The following RBFOX1 variants were observed in gnomAD, a reference collection of about 807,000 sequenced individuals.
The protein encoded by RBFOX1 is RNA binding fox-1 homolog 1, also known as RNA binding protein fox-1 homolog 1.
Under a neutral mutation model 57.7 loss-of-function variants are expected in RBFOX1, and 8 were observed. That is an observed-to-expected ratio of 0.14 (90% CI 0.08 to 0.25). The LOEUF is 0.25. RBFOX1 is among the 10% of genes least tolerant of loss of function. The probability of loss-of-function intolerance (pLI) is 1.00; values close to 1 mark genes in which losing one functional copy is unlikely to be tolerated. For synonymous variants in RBFOX1, 326 were observed against 222.4 expected, an observed-to-expected ratio of 1.47 and a Z score of -4.15; for missense variants, 611 against 548.5, an observed-to-expected ratio of 1.11 and a Z score of -1.14.
intron 2 of RBFOX1, among the ~76,000 whole-genome samples, chr16:5,575,761 C>G (rs757721148): frequency 6.6e-6 from 1 of 152,070 alleles, no homozygotes; most frequent in Non-Finnish European, 1.5e-5. Context: ...AAAGATAACT[C>G]TATCTTTATT....
intron 3 of RBFOX1, chr16:6,723,878 C>G (rs1433308229): frequency 6.6e-6 from 1 of 152,106 alleles, no homozygotes; most frequent in Non-Finnish European, 1.5e-5. Context: ...CAGCTCCACA[C>G]CCTGGCCAGA....
At chr16:7,471,705 G>T (rs1397006135) in intron 4 of RBFOX1, among the ~76,000 whole-genome samples, 1 of 152,204 alleles carries the variant, frequency 6.6e-6, no homozygotes, top group African/African-American at 2.4e-5. Context: ...TTGAAATTCT[G>T]TCCATTTTCT....
intron 4 of RBFOX1, among the ~76,000 whole-genome samples, chr16:7,278,939 A>G (rs1456234162): frequency 1.3e-5 from 2 of 152,022 alleles, no homozygotes; most frequent in Non-Finnish European, 2.9e-5. Context: ...TGATTGTTCG[A>G]TTGCTTTCTT....
intron 1 of RBFOX1, among the ~76,000 whole-genome samples, chr16:5,410,260 A>G (rs2066984256): frequency 6.6e-6 from 1 of 151,668 alleles, no homozygotes; most frequent in Admixed American, 6.6e-5. Flanking sequence ...AGTTCCAGCT[A>G]CTCAGGAGGC....
At chr16:5,661,644 A>G (rs2049654651) in intron 3 of RBFOX1, among the ~76,000 whole-genome samples, 1 of 152,236 alleles carries the variant, frequency 6.6e-6, no homozygotes, top group Admixed American at 6.5e-5. Flanking sequence ...AATCAAATTA[A>G]CACGTTGGTC....
At chr16:6,584,750 T>A (rs2097583674) in intron 2 of RBFOX1, among the ~76,000 whole-genome samples, 1 of 152,084 alleles carries the variant, frequency 6.6e-6, no homozygotes, top group South Asian at 2.1e-4. Flanking sequence ...AAGATGTGAA[T>A]TGCCACCCAC....
intron 2 of RBFOX1, among the ~76,000 whole-genome samples, chr16:6,332,326 A>G (rs916872837): frequency 6.6e-6 from 1 of 152,216 alleles, no homozygotes; most frequent in Non-Finnish European, 1.5e-5. Context: ...CATTTTAGCT[A>G]CACTGGTGGG....
chr16:5,725,786 G>A (rs959079029), intron 3 of RBFOX1, among the ~76,000 whole-genome samples: 3 of 151,916 alleles, frequency 2.0e-5, no homozygotes, highest in African/African-American at 7.3e-5. Context: ...ACTGCTAGCT[G>A]CCCTCTCCCC....
chr16:6,110,251 T>A (rs1344976612), intron 1 of RBFOX1, among the ~76,000 whole-genome samples: 1 of 151,256 alleles, frequency 6.6e-6, no homozygotes, highest in Non-Finnish European at 1.5e-5. Context: ...CCTGGCTTCT[T>A]CTTTGTAGGT....
intron 3 of RBFOX1, among the ~76,000 whole-genome samples, chr16:5,802,509 G>A (rs2055092002): frequency 6.6e-6 from 1 of 152,126 alleles, no homozygotes; most frequent in Non-Finnish European, 1.5e-5. Context: ...CCCATCCTCT[G>A]CCATCACAGA....
At chr16:5,758,186 T>C (rs866740922) in intron 3 of RBFOX1, among the ~76,000 whole-genome samples, 1 of 152,238 alleles carries the variant, frequency 6.6e-6, no homozygotes, top group Non-Finnish European at 1.5e-5. Context: ...CTGCCATCCA[T>C]TGGCTTTTTA....
At chr16:6,897,126 C>T (rs1453103034) in intron 3 of RBFOX1, among the ~76,000 whole-genome samples, 2 of 152,152 alleles carry the variant, frequency 1.3e-5, no homozygotes, top group African/African-American at 2.4e-5. Context: ...ATAAGAAAAC[C>T]ATTGCTGACA....
At chr16:5,426,781 C>T (rs142065115) in intron 1 of RBFOX1, among the ~76,000 whole-genome samples, 220 of 152,242 alleles carry the variant, frequency 1.4e-3, no homozygotes, top group Middle Eastern at 0.01. Context: ...TACTTGCTGG[C>T]CAAGTGCTGG....
chr16:6,583,609 C>T lies in RBFOX1; in HGVS notation c.-63-70994C>T, dbSNP rs1301655268. ...TTTTTAACTGGATTCTATCCATTCT[C>T]TGTAACTCTTAGTTCTTTGCTCTCT... On this transcript the variant is annotated intron_variant, in intron 2 of 15. Transcript: ENST00000550418. 3.3e-5 allele frequency among the ~76,000 whole-genome samples: 5 copies of T among 152,204 alleles called. No individual in the cohort carries two copies. In the East Asian group the frequency reaches 9.6e-4, roughly 29 times the overall value.
chr16:6,593,156 C>A (rs537531080), intron 2 of RBFOX1, among the ~76,000 whole-genome samples: 10 of 152,196 alleles, frequency 6.6e-5, no homozygotes, highest in African/African-American at 1.7e-4. Flanking sequence ...GGCACCATTG[C>A]GCTCCAGCCT....
intron 4 of RBFOX1, among the ~76,000 whole-genome samples, chr16:7,184,715 A>C (rs950490156): frequency 4.6e-5 from 7 of 152,206 alleles, no homozygotes; most frequent in African/African-American, 1.7e-4. Context: ...AAACTTCTCT[A>C]AAAATTTGGG....
Position 7,518,209 on chromosome 16 carries a change from T to C in RBFOX1, c.90T>C (p.Phe30=), listed in dbSNP as rs1387957357. ...TMAQPYASAQ[F]APPQNGIPAE... is the part of the protein sequence containing the mutation. ...CTCAGCCTTACGCTTCGGCCCAGTTTGCTCCCCCGCAGAACGGTATCCCCG... is the reference window on the plus strand; with the variant it reads ...CTCAGCCTTACGCTTCGGCCCAGTTCGCTCCCCCGCAGAACGGTATCCCCG... Residue 30 remains phenylalanine, a synonymous_variant, in exon 5 of 16, where the codon TTT becomes TTC. Transcript: ENST00000550418. 12 of 1,613,982 alleles carry C rather than the reference T, an allele frequency of 7.4e-6. No homozygotes were observed. The highest frequency in any genetic ancestry group is 1.0e-5 in the Non-Finnish European group (12 of 1,179,996).
intron 1 of RBFOX1, among the ~76,000 whole-genome samples, chr16:6,195,299 C>T (rs750112611): frequency 6.6e-5 from 10 of 152,166 alleles, no homozygotes; most frequent in Non-Finnish European, 1.0e-4. Flanking sequence ...TGTGCTGTGC[C>T]TCCATTTTAA....
chr16:7,502,702 A>T (rs890346779), intron 4 of RBFOX1, among the ~76,000 whole-genome samples: 3 of 152,294 alleles, frequency 2.0e-5, no homozygotes, highest in East Asian at 3.9e-4. Context: ...GATGGGTAGA[A>T]AACTTTATAA....
Sources: gnomAD v4.1 joint callset for allele counts (sites outside exome capture counted in the v4.1 genomes callset) on GRCh38, gnomAD v4.1.1 for gene constraint, MANE v1.5 for transcripts, NCBI Gene and HGNC (gene_info 2026-07-23, HGNC 2026-07-21) for gene names.